The following PFKFB3 variants were observed in gnomAD, a reference collection of about 807,000 sequenced individuals.
PFKFB3 encodes 6-phosphofructo-2-kinase/fructose-2,6-bisphosphatase 3.
A neutral mutation model predicts 68.0 loss-of-function variants in PFKFB3; 33 were observed. The ratio of observed to expected loss-of-function variants is 0.49; its 90% confidence interval spans 0.37 to 0.65. The LOEUF is 0.65. Among genes scored for constraint, PFKFB3 ranks in the 30% least tolerant of loss-of-function variants. The pLI, the probability that PFKFB3 is intolerant of heterozygous loss-of-function variation, is 0.00. For synonymous variants in PFKFB3, 315 were observed against 288.2 expected (o/e 1.09, Z -0.94); for missense variants, 586 against 712.2 (o/e 0.82, Z 2.02).
At chr10:6,150,768 C>T (rs913781169) in intron 1 of PFKFB3, among the ~76,000 whole-genome samples, 2 of 151,856 alleles carry the variant, frequency 1.3e-5, no homozygotes, top group Non-Finnish European at 1.5e-5. Context: ...GAGGCCGAGG[C>T]GAGTGGATCA....
At position 6,210,338 on chromosome 10, in the gene PFKFB3, TTTTTTTTGTTTTTTTTTG is replaced by T. The variant is rs1421741256; in HGVS notation, c.77-3267_77-3250del. ...ACACCTCAGGCGCCCCTCTCTTTGT[TTTTTTTTGTTTTTTTTTG>T]TTTTTTTGTTTTTTTTTTTTTTGAG... On this transcript the variant is annotated intron_variant, in intron 1 of 14. Transcript: ENST00000379775. Among the ~76,000 whole-genome samples, 10 of 26,650 alleles carry T rather than the reference TTTTTTTTGTTTTTTTTTG, an allele frequency of 3.8e-4. 3 individuals carry two copies. Among genetic ancestry groups the T allele is most frequent in the Non-Finnish European group, 5.0e-4 (5 of 10,064 alleles). The allele number at this position is 26,650 out of a possible 152,430, so 17.5% of individuals were successfully genotyped here. A position where few individuals can be genotyped will look rare whatever the true frequency, so the allele number is the denominator to read the frequency against.
intron 1 of PFKFB3, among the ~76,000 whole-genome samples, chr10:6,178,587 G>A (rs1371664799): frequency 6.6e-5 from 10 of 152,240 alleles, no homozygotes; most frequent in South Asian, 2.1e-4. Flanking sequence ...GACAGAGTCC[G>A]CCCCACGGGT....
At chr10:6,280,794 T>G in the PFKFB3 span, among the ~76,000 whole-genome samples, 1 of 151,862 alleles carries the variant, frequency 6.6e-6, no homozygotes, top group South Asian at 2.1e-4. Context: ...TGCTTTTTTT[T>G]TTGTTTTAAA....
intron 2 of PFKFB3, among the ~76,000 whole-genome samples, chr10:6,214,189 C>T (rs945160898): frequency 1.1e-4 from 17 of 152,210 alleles, no homozygotes; most frequent in Admixed American, 9.2e-4. Flanking sequence ...GCAGTGAGTG[C>T]GCATTCCTGC....
intron 1 of PFKFB3, among the ~76,000 whole-genome samples, chr10:6,205,542 G>A (rs60028902): frequency 4.6e-5 from 7 of 151,918 alleles, no homozygotes; most frequent in Non-Finnish European, 7.4e-5. Flanking sequence ...ACAGGCGCAC[G>A]CCGCCATGCC....
the PFKFB3 span, among the ~76,000 whole-genome samples, chr10:6,295,378 C>A: frequency 6.6e-6 from 1 of 152,002 alleles, no homozygotes; most frequent in Non-Finnish European, 1.5e-5. Context: ...CCCACCTCCA[C>A]GCCTGGCTAA....
At chr10:6,295,144 A>G in the PFKFB3 span, among the ~76,000 whole-genome samples, 1 of 151,898 alleles carries the variant, frequency 6.6e-6, no homozygotes, top group African/African-American at 2.4e-5. Flanking sequence ...TTTCTTGAAC[A>G]CTTTTGTTTT....
chr10:6,323,288 G>T, the PFKFB3 span, among the ~76,000 whole-genome samples: 1 of 152,370 alleles, frequency 6.6e-6, no homozygotes, highest in Middle Eastern at 3.4e-3. Flanking sequence ...GTGACATTCA[G>T]TTCAAGTACA....
downstream of PFKFB3, among the ~76,000 whole-genome samples, chr10:6,237,595 G>A (rs1846044870): frequency 6.6e-6 from 1 of 152,160 alleles, no homozygotes; most frequent in Admixed American, 6.5e-5. Flanking sequence ...TTGAGACAGG[G>A]TTTTGCTCTG....
intron 1 of PFKFB3, among the ~76,000 whole-genome samples, chr10:6,212,928 G>A (rs1222651071): frequency 1.3e-5 from 2 of 152,180 alleles, no homozygotes; most frequent in East Asian, 3.9e-4. Context: ...CCCAGCCCCT[G>A]CCCCTCTGTC....
chr10:6,245,620 A>G (rs1846240747), intron 14 of PFKFB3: 1 of 151,772 alleles, frequency 6.6e-6, no homozygotes, highest in Non-Finnish European at 1.5e-5. Context: ...TTTCTGCTCC[A>G]TGTTGCTCCA....
chr10:6,146,319 G>GCC, intron 1 of PFKFB3: 1 of 1,525,634 alleles, frequency 6.6e-7, no homozygotes, highest in Non-Finnish European at 8.8e-7. Flanking sequence ...AGGTATCAGC[G>GCC]TGGGCTCCTG....
chr10:6,216,161 C>T lies in PFKFB3; in HGVS notation c.336C>T (p.Ser112=), dbSNP rs1375641937. 6.2e-7 allele frequency: 1 copy of T among 1,614,188 alleles called. No individual in the cohort carries two copies. Among genetic ancestry groups the T allele is most frequent in the South Asian group, 1.1e-5 (1 of 91,090 alleles). Residue 112 remains serine (S), a synonymous_variant, in exon 4 of 15, where the codon AGC becomes AGT. Coordinates refer to ENST00000379775, the MANE Select transcript of PFKFB3 (RefSeq NM_004566.4). ...TAGCTGCCTTGAGAGATGTCAAAAG[C>T]TACCTGGCGAAAGAAGGGGGACAAA... ...CALAALRDVK[S]YLAKEGGQIA...
At chr10:6,302,623 C>T in the PFKFB3 span, among the ~76,000 whole-genome samples, 1 of 151,720 alleles carries the variant, frequency 6.6e-6, no homozygotes, top group South Asian at 2.1e-4. Flanking sequence ...TCAGGCAATC[C>T]ACCTGCCTCG....
chr10:6,171,350 C>T (rs374676512), intron 1 of PFKFB3, among the ~76,000 whole-genome samples: 50 of 152,034 alleles, frequency 3.3e-4, no homozygotes, highest in African/African-American at 1.0e-3. Context: ...CCACCGGGCC[C>T]GGCCCTTCTT....
chr10:6,280,449 G>A, the PFKFB3 span, among the ~76,000 whole-genome samples: 1 of 152,176 alleles, frequency 6.6e-6, no homozygotes, highest in Non-Finnish European at 1.5e-5. Flanking sequence ...AAGTAGGACG[G>A]GCCAGTGGCT....
chr10:6,221,764 G>C lies in PFKFB3; in HGVS notation c.1083+19G>C, dbSNP rs759999810. 4.0e-6 allele frequency: 6 copies of C among 1,518,136 alleles called. No homozygotes were observed. In the East Asian group the frequency reaches 1.4e-4, roughly 35 times the overall value. The allele number at this position is 1,518,136 out of a possible 1,614,324, so 94.0% of individuals were successfully genotyped here. A position where few individuals can be genotyped will look rare whatever the true frequency, so the allele number is the denominator to read the frequency against. On this transcript the variant is annotated intron_variant, in intron 10 of 14. Coordinates refer to ENST00000379775, the MANE Select transcript of PFKFB3 (RefSeq NM_004566.4). ...CGGGGAGGTGAGCGCAGGCTGGGGC[G>C]GGCTGACGGTCCCCAGCACACATGA... is the stretch of plus-strand genomic sequence containing the variant.
the PFKFB3 span, chr10:6,293,019 A>G: frequency 6.6e-6 from 2 of 300,894 alleles, no homozygotes; most frequent in Admixed American, 4.0e-5. Context: ...GGCCCCAGAA[A>G]GCCTCACGTG....
At chr10:6,164,848 C>T (rs1842080098) in intron 1 of PFKFB3, among the ~76,000 whole-genome samples, 1 of 152,156 alleles carries the variant, frequency 6.6e-6, no homozygotes, top group African/African-American at 2.4e-5. Context: ...AGTAACAGAG[C>T]AGTATTGCTG....
Sources: allele counts gnomAD v4.1 joint callset (sites outside exome capture counted in the v4.1 genomes callset), GRCh38; gene constraint gnomAD v4.1.1; transcripts MANE v1.5; gene names NCBI Gene and HGNC (gene_info 2026-07-23, HGNC 2026-07-21).